INPP4B: variants seen among roughly 807,000 people sequenced by gnomAD.
INPP4B encodes inositol polyphosphate-4-phosphatase type II B.
Under a neutral mutation model 122.5 loss-of-function variants are expected in INPP4B, and 55 were observed. The observed-to-expected ratio is 0.45, with a 90% CI of 0.36 to 0.56. INPP4B has a LOEUF of 0.56. INPP4B is among the 20% of genes least tolerant of loss of function. INPP4B has a pLI of 0.00. For synonymous variants in INPP4B, 403 were observed against 388.7 expected (o/e 1.04, Z -0.43); for missense variants, 1,000 against 1,097.7 (o/e 0.91, Z 1.26).
At chr4:142,659,924 A>G (rs1238959381) in intron 2 of INPP4B, among the ~76,000 whole-genome samples, 1 of 144,644 alleles carries the variant, frequency 6.9e-6, no homozygotes, top group East Asian at 2.0e-4. Context: ...ACTCAATTCT[A>G]AGCTTTGGTT....
intron 2 of INPP4B, among the ~76,000 whole-genome samples, chr4:142,522,341 G>GC (rs1249286285): frequency 2.2e-5 from 2 of 91,992 alleles, no homozygotes; most frequent in Non-Finnish European, 4.1e-5. Flanking sequence ...TCCCGCCCCC[G>GC]CCCCCCACCC....
intron 1 of INPP4B, among the ~76,000 whole-genome samples, chr4:142,792,328 A>G (rs1776662430): frequency 6.6e-6 from 1 of 152,090 alleles, no homozygotes; most frequent in Non-Finnish European, 1.5e-5. Flanking sequence ...AAAATGTAAA[A>G]GAGAAAAAAA....
intron 10 of INPP4B, among the ~76,000 whole-genome samples, chr4:142,268,609 TC>T (rs1744195138): frequency 2.0e-5 from 3 of 152,038 alleles, no homozygotes; most frequent in Non-Finnish European, 2.9e-5. Context: ...AATCTTAGTG[TC>T]CATCATCAGA....
chr4:142,477,946 G>C (rs917567487), intron 2 of INPP4B, among the ~76,000 whole-genome samples: 1 of 152,142 alleles, frequency 6.6e-6, no homozygotes, highest in Non-Finnish European at 1.5e-5. Context: ...GGAACTACAA[G>C]TATGCACCAC....
chr4:142,038,450 G>C (rs1432523330), intron 25 of INPP4B, among the ~76,000 whole-genome samples: 1 of 152,176 alleles, frequency 6.6e-6, no homozygotes, highest in African/African-American at 2.4e-5. Flanking sequence ...TGTTTCTAAT[G>C]ATTATGGACA....
At chr4:142,257,322 C>G (rs1280498329) in intron 11 of INPP4B, among the ~76,000 whole-genome samples, 1 of 152,150 alleles carries the variant, frequency 6.6e-6, no homozygotes, top group Admixed American at 6.5e-5. Context: ...TCTCACCACT[C>G]CTATTCAACA....
chr4:142,735,727 T>C (rs1309344624), intron 1 of INPP4B, among the ~76,000 whole-genome samples: 1 of 152,224 alleles, frequency 6.6e-6, no homozygotes, highest in Non-Finnish European at 1.5e-5. Context: ...ATTATTAGAA[T>C]GTATTCTTCT....
chr4:142,818,441 CGTGTGTGTGT>C (rs10656794), intron 1 of INPP4B, among the ~76,000 whole-genome samples: 1 of 149,234 alleles, frequency 6.7e-6, no homozygotes, highest in African/African-American at 2.5e-5. Context: ...GCAATTTAAA[CGTGTGTGTGT>C]GTGTGTGTGT....
intron 12 of INPP4B, among the ~76,000 whole-genome samples, chr4:142,233,646 A>G (rs1855424363): frequency 6.6e-6 from 1 of 152,168 alleles, no homozygotes; most frequent in Non-Finnish European, 1.5e-5. Context: ...GGATCTGAGT[A>G]GAGGTAGTGG....
At chr4:142,606,774 C>T (rs546132187) in intron 2 of INPP4B, among the ~76,000 whole-genome samples, 3 of 151,794 alleles carry the variant, frequency 2.0e-5, no homozygotes, top group African/African-American at 4.8e-5. Flanking sequence ...CAATTTTCTC[C>T]GGACTCAGAT....
intron 15 of INPP4B, among the ~76,000 whole-genome samples, chr4:142,183,413 A>G (rs549680788): frequency 2.6e-5 from 4 of 152,372 alleles, no homozygotes; most frequent in South Asian, 2.1e-4. Flanking sequence ...AACAGTATTT[A>G]TATCATGTAA....
intron 25 of INPP4B, among the ~76,000 whole-genome samples, chr4:142,066,184 C>A (rs80197746): frequency 0.02 from 2,935 of 147,774 alleles, 94 homozygotes; most frequent in African/African-American, 0.068. Context: ...AATAATTCAA[C>A]CTTCAAGACT....
At chr4:142,577,605 T>C (rs1037773261) in intron 2 of INPP4B, among the ~76,000 whole-genome samples, 5 of 152,022 alleles carry the variant, frequency 3.3e-5, no homozygotes, top group African/African-American at 1.2e-4. Flanking sequence ...GTCCCAGCCT[T>C]ATCATTTACC....
At chr4:142,119,379 A>G (rs1012289444) in intron 21 of INPP4B, among the ~76,000 whole-genome samples, 1 of 152,136 alleles carries the variant, frequency 6.6e-6, no homozygotes, top group Non-Finnish European at 1.5e-5. Context: ...CACAATAGCA[A>G]AGACTTGGAA....
intron 7 of INPP4B, among the ~76,000 whole-genome samples, chr4:142,325,564 CA>C (rs147731135): frequency 0.095 from 14,401 of 152,200 alleles, 783 homozygotes; most frequent in Non-Finnish European, 0.12. Flanking sequence ...ATTATGTATA[CA>C]AGTTCATTCT....
intron 9 of INPP4B, among the ~76,000 whole-genome samples, chr4:142,294,567 C>T (rs1757764545): frequency 6.6e-6 from 1 of 151,828 alleles, no homozygotes; most frequent in Non-Finnish European, 1.5e-5. Context: ...ATCTAAGGTG[C>T]ACCATCTGCA....
At chr4:142,120,157 G>A (rs1185434260) in intron 21 of INPP4B, among the ~76,000 whole-genome samples, 1 of 151,906 alleles carries the variant, frequency 6.6e-6, no homozygotes, top group African/African-American at 2.4e-5. Flanking sequence ...TGACTTTAAA[G>A]ATAATAGTTT....
At chr4:142,039,932 TGTGTGCCCAAGGG>T (rs33937583) in intron 25 of INPP4B, among the ~76,000 whole-genome samples, 15,512 of 152,032 alleles carry the variant, frequency 0.1, 1,419 homozygotes, top group African/African-American at 0.25. Flanking sequence ...TTGTTTAAAA[TGTGTGCCCAAGGG>T]AATTTTAGCA....
intron 1 of INPP4B, among the ~76,000 whole-genome samples, chr4:142,749,836 A>C (rs1248619977): frequency 6.6e-6 from 1 of 150,744 alleles, no homozygotes; most frequent in Non-Finnish European, 1.5e-5. Flanking sequence ...AGAAAATTAA[A>C]TTAATACAAG....
Sources: allele counts gnomAD v4.1 joint callset (sites outside exome capture counted in the v4.1 genomes callset), GRCh38; gene constraint gnomAD v4.1.1; transcripts MANE v1.5; gene names NCBI Gene and HGNC (gene_info 2026-07-23, HGNC 2026-07-21).